Variants in ALOX12 observed in about 807,000 individuals in gnomAD.
ALOX12 encodes the protein arachidonate 12-lipoxygenase, 12S type.
ALOX12 carries 62 observed loss-of-function variants against 85.5 expected under a neutral mutation model. The ratio of observed to expected loss-of-function variants is 0.73; its 90% confidence interval spans 0.59 to 0.90. The LOEUF (loss-of-function observed/expected upper bound fraction) is 0.90. Among genes scored for constraint, ALOX12 ranks in the 40% least tolerant of loss-of-function variants. The pLI is 0.00. For synonymous variants in ALOX12, 299 were observed against 332.7 expected, an observed-to-expected ratio of 0.90 and a Z score of 1.10; for missense variants, 751 against 856.5, an observed-to-expected ratio of 0.88 and a Z score of 1.54.
Position 7,010,353 on chromosome 17 carries a change from G to A in ALOX12, c.1922G>A (p.Arg641Gln), listed in dbSNP as rs757126998. 1.2e-5 allele frequency: 19 copies of A among 1,614,074 alleles called. No homozygotes were observed. The highest frequency in any genetic ancestry group is 1.6e-4 in the Middle Eastern group (1 of 6,084). ...AAGCTGGAAAAGGAGATTACAGCCC[G>A]GAATGAGCAACTTGACTGGCCCTAT... ...LEKLEKEITA[R>Q]NEQLDWPYEY... Residue 641 changes from arginine to glutamine, a missense_variant, in exon 14 of 14, where the codon CGG becomes CAG. Arg to Gln is a conservative substitution (Grantham distance 43). Transcript: ENST00000251535.
In ALOX12 at chr17:6,996,937, G is replaced by A; in HGVS notation, c.247G>A (p.Val83Met). The change falls in exon 2 of 14, where the codon GTG (valine) becomes ATG (methionine). Residue 83 changes from valine to methionine, a missense_variant. Transcript: ENST00000251535. ...CGCGTGGTTCTGCGACCGCATCACG[G>A]TGCAGGGCCCTGGAGCCTGCGCGGA... The part of the protein sequence containing the change: ...DDAWFCDRIT[V>M]QGPGACAEVA... 6.2e-7 allele frequency: 1 copy of A among 1,606,570 alleles called. No homozygotes were observed. The highest frequency in any genetic ancestry group is 8.5e-7 in the Non-Finnish European group (1 of 1,176,640).
At chr17:6,996,726 G>A in intron 1 of ALOX12, 100 bp from the exon 2 acceptor site, 1 of 1,372,752 alleles carries the variant, frequency 7.3e-7, no homozygotes, top group Non-Finnish European at 9.8e-7. Context: ...GTCTTTGGAG[G>A]CCCTGAGAAA....
At position 6,996,898 on chromosome 17, in the gene ALOX12, T is replaced by C. The variant is rs1908467991; in HGVS notation, c.208T>C (p.Trp70Arg). 2 of 1,613,928 alleles carry C rather than the reference T, an allele frequency of 1.2e-6. No homozygotes were observed. Among genetic ancestry groups the C allele is most frequent in the Non-Finnish European group, 1.7e-6 (2 of 1,179,882 alleles). Residue 70 changes from tryptophan to arginine, a missense_variant, in exon 2 of 14, where the codon TGG becomes CGG. By Grantham distance (101) the Trp-to-Arg change is moderately radical. Transcript: ENST00000251535. Reference protein sequence around the residue: ...LQFVRLRKHHWLVDDAWFCDR... With the variant: ...LQFVRLRKHHRLVDDAWFCDR... ...GTTCGTGAGGCTGCGCAAGCACCACTGGCTGGTGGACGACGCGTGGTTCTG... is the reference window on the plus strand; with the variant it reads ...GTTCGTGAGGCTGCGCAAGCACCACCGGCTGGTGGACGACGCGTGGTTCTG...
intron 8 of ALOX12, among the ~76,000 whole-genome samples, chr17:7,003,689 A>G (rs1316078907): frequency 6.6e-6 from 1 of 152,202 alleles, no homozygotes; most frequent in Non-Finnish European, 1.5e-5. Context: ...CAGTCTCCCA[A>G]GTAACCTGGA....
intron 7 of ALOX12, 137 bp from the exon 8 acceptor site, chr17:7,001,465 G>C: frequency 1.1e-6 from 1 of 910,578 alleles, no homozygotes; most frequent in Admixed American, 2.2e-5. Flanking sequence ...CGGCAGGCTG[G>C]GAGGGTTCAC....
intron 10 of ALOX12, 27 bp downstream of exon 10, chr17:7,006,054 TGGGGCC>T (rs745957700): frequency 0.011 from 27 of 2,436 alleles, 8 homozygotes; most frequent in East Asian, 0.03. Flanking sequence ...TGAGAAATGG[TGGGGCC>T]GGGGGGGGGG....
At position 7,010,131 on chromosome 17, in the gene ALOX12, G is replaced by A; in HGVS notation, c.1812+5G>A. 6.2e-7 allele frequency: 1 copy of A among 1,609,660 alleles called. No homozygotes were observed. Among genetic ancestry groups the A allele is most frequent in the Non-Finnish European group, 8.5e-7 (1 of 1,177,100 alleles). On this transcript the variant is annotated splice_donor_5th_base_variant and intron_variant, in intron 13 of 13. Coordinates refer to ENST00000251535, the MANE Select transcript of ALOX12 (RefSeq NM_000697.3). ...AGTCGCCGCCAGCCAGACATGGTGA[G>A]AGGGGACTCTCGGGAGAGGGAAATG... is the stretch of plus-strand genomic sequence containing the variant.
intron 2 of ALOX12, 87 bp downstream of exon 2, chr17:6,997,114 G>C: frequency 6.9e-7 from 1 of 1,455,126 alleles, no homozygotes; most frequent in Non-Finnish European, 9.1e-7. Context: ...GGTCGGAGCA[G>C]ACTTAGAGGA....
At chr17:7,002,015 C>G (rs906835786) in intron 8 of ALOX12, 16 of 587,414 alleles carry the variant, frequency 2.7e-5, no homozygotes, top group Non-Finnish European at 4.5e-5. Context: ...CTGAAATTCT[C>G]AGAGATCTGA....
At chr17:7,007,353 C>T (rs953675324) in intron 11 of ALOX12, among the ~76,000 whole-genome samples, 2 of 152,218 alleles carry the variant, frequency 1.3e-5, no homozygotes, top group Non-Finnish European at 2.9e-5. Flanking sequence ...ACTCATCCTT[C>T]GGCCCCTCCC....
chr17:7,005,245 C>T lies in ALOX12; in HGVS notation c.1162-12C>T. ...CTCCACCAGTCACGCCCTCCAATCTCCTCCTCTCCAGTTCCTGATCCCCCA... is the reference window on the plus strand; with the variant it reads ...CTCCACCAGTCACGCCCTCCAATCTTCTCCTCTCCAGTTCCTGATCCCCCA... On this transcript the variant is annotated splice_polypyrimidine_tract_variant and intron_variant, in intron 8 of 13. Transcript: ENST00000251535. The T allele has an allele frequency of 6.2e-7, 1 of 1,611,694 alleles. No homozygotes were observed. The highest frequency in any genetic ancestry group is 8.5e-7 in the Non-Finnish European group (1 of 1,177,870).
At position 6,998,755 on chromosome 17, in the gene ALOX12, G is replaced by A. The variant is rs756913079; in HGVS notation, c.460G>A (p.Ala154Thr). The A allele has an allele frequency of 1.7e-5, 28 of 1,614,124 alleles. No individual in the cohort carries two copies. In the South Asian group the frequency reaches 3.0e-4, roughly 17 times the overall value. The change falls in exon 4 of 14, where the codon GCA becomes ACA. Residue 154 changes from alanine (A) to threonine (T), a missense_variant. Ala to Thr is a moderately conservative substitution (Grantham distance 58). Transcript: ENST00000251535. Reference protein sequence around the residue: ...WKEGLPLTIAADRKDDLPPNM... With the variant: ...WKEGLPLTIATDRKDDLPPNM... Reference sequence around the variant, plus strand: ...GGAAGGGTTACCCCTGACCATCGCTGCAGACCGTAAGGATGATCTACCTCC... The same window carrying A: ...GGAAGGGTTACCCCTGACCATCGCTACAGACCGTAAGGATGATCTACCTCC...
chr17:7,009,367 C>G (rs1909270208), intron 11 of ALOX12: 1 of 206,534 alleles, frequency 4.8e-6, no homozygotes, highest in Non-Finnish European at 1.0e-5. Flanking sequence ...CCGCATCCCT[C>G]AATTCTTAAC....
At position 6,998,532 on chromosome 17, in the gene ALOX12, T is replaced by C. The variant is rs375218715; in HGVS notation, c.361T>C (p.Leu121=). 2.5e-6 allele frequency: 4 copies of C among 1,613,924 alleles called. No homozygotes were observed. Among genetic ancestry groups the C allele is most frequent in the Non-Finnish European group, 3.4e-6 (4 of 1,179,900 alleles). ...GTARLPGDNA[L]DMFQKHREKE... is the part of the protein sequence containing the mutation. ...AGCCCGCCTGCCAGGAGACAATGCT[T>C]TGGACATGTTCCAGAAGCATCGAGA... Residue 121 remains leucine, a synonymous_variant, in exon 3 of 14, where the codon TTG becomes CTG. Transcript: ENST00000251535.
Position 6,997,064 on chromosome 17 carries a change from T to C in ALOX12, c.337+37T>C, listed in dbSNP as rs312468. 1,495,395 of 1,509,778 alleles carry C rather than the reference T, an allele frequency of 0.99. 741,269 individuals carry two copies. Among genetic ancestry groups the C allele is most frequent in the Non-Finnish European group, 1 (1,126,076 of 1,126,526 alleles). 93.5% of individuals were successfully genotyped at this position (1,509,778 alleles called of 1,614,324 possible). On this transcript the variant is annotated intron_variant, in intron 2 of 13. Coordinates refer to ENST00000251535, the MANE Select transcript of ALOX12 (RefSeq NM_000697.3). ...GCGTCGGGGAAGGAGGCACAAGGTC[T>C]CGGGAACTGCTGCGGGGCTAGGAGG...
chr17:7,010,607 CT>C lies in ALOX12; in HGVS notation c.*190del. ...AAACTTTCTCTGCAAAGACTAGATC[CT>C]TTTTTACGCTTTGCAGACCGCATAG... On this transcript the variant is annotated 3_prime_UTR_variant, in exon 14 of 14. Coordinates refer to ENST00000251535, the MANE Select transcript of ALOX12 (RefSeq NM_000697.3). The C allele has an allele frequency of 1.5e-6, 1 of 682,380 alleles. No homozygotes were observed. Among genetic ancestry groups the C allele is most frequent in the Non-Finnish European group, 2.3e-6 (1 of 431,742 alleles). 42.3% of individuals were successfully genotyped at this position (682,380 alleles called of 1,614,324 possible). A position where few individuals can be genotyped will look rare whatever the true frequency, so the allele number is the denominator to read the frequency against.
In ALOX12 at chr17:7,000,549, C is replaced by T. The variant is rs1908661577; in HGVS notation, c.951+70C>T. 1.3e-6 allele frequency: 2 copies of T among 1,559,588 alleles called. No individual in the cohort carries two copies. Among genetic ancestry groups the T allele is most frequent in the Admixed American group, 3.6e-5 (2 of 56,058 alleles). On this transcript the variant is annotated intron_variant, in intron 7 of 13. Transcript: ENST00000251535. This position sits in a 1 kb window ranked among gnomAD's most constrained non-coding sequence, Gnocchi z 4.6. Reference sequence around the variant, plus strand: ...TCAACCTCTGCTCCCAGGGACCCAACCCCCAGCTCTTGGCTCCCAAACCCC... The same window carrying T: ...TCAACCTCTGCTCCCAGGGACCCAATCCCCAGCTCTTGGCTCCCAAACCCC...
chr17:7,001,577 GTTC>G (rs757146546), intron 7 of ALOX12, 22 bp from the exon 8 acceptor site: 1 of 1,582,344 alleles, frequency 6.3e-7, no homozygotes, highest in Non-Finnish European at 8.7e-7. Context: ...CGGAATGGGA[GTTC>G]AATAATTTCT....
At chr17:6,999,505 A>C in intron 6 of ALOX12, 39 bp downstream of exon 6, 1 of 1,605,886 alleles carries the variant, frequency 6.2e-7, no homozygotes, top group Non-Finnish European at 8.5e-7. Context: ...TTCTCTCCTT[A>C]GTAGTGTGGT....
Sources: gnomAD v4.1 joint callset for allele counts (sites outside exome capture counted in the v4.1 genomes callset) on GRCh38, gnomAD v4.1.1 for gene constraint, Gnocchi (gnomAD v3.1) non-coding constraint, MANE v1.5 for transcripts, NCBI Gene and HGNC (gene_info 2026-07-23, HGNC 2026-07-21) for gene names.